The following FOXN3 variants were observed in gnomAD, a reference collection of about 807,000 sequenced individuals.
FOXN3 encodes the protein forkhead box protein N3.
Under a neutral mutation model 38.4 loss-of-function variants are expected in FOXN3, and 7 were observed. The ratio of observed to expected loss-of-function variants is 0.18; its 90% confidence interval spans 0.10 to 0.34. The LOEUF (loss-of-function observed/expected upper bound fraction) is 0.34, where lower values mean the gene tolerates loss of function less well. FOXN3 is among the 10% of genes least tolerant of loss of function. FOXN3 has a pLI of 1.00. For missense variants in FOXN3, 456 were observed against 613.4 expected (o/e 0.74, Z 2.71); for synonymous variants, 230 against 242.2 (o/e 0.95, Z 0.47).
At position 89,157,728 on chromosome 14, in the gene FOXN3, G is replaced by C. The variant is rs1373319104; in HGVS notation, c.*4686C>G. ...TAGGTTATATAGCAAAAGTGTTGAT[G>C]TATATTATATATAGTAGTATAAATA... On this transcript the variant is annotated 3_prime_UTR_variant, in exon 6 of 6. Coordinates refer to ENST00000557258, the MANE Select transcript of FOXN3 (RefSeq NM_005197.4). The C allele has an allele frequency of 6.6e-6, 1 of 152,600 alleles. No homozygotes were observed. Among genetic ancestry groups the C allele is most frequent in the African/African-American group, 2.4e-5 (1 of 41,438 alleles). The allele number at this position is 152,600 out of a possible 1,614,324, so 9.5% of individuals were successfully genotyped here. A position where few individuals can be genotyped will look rare whatever the true frequency, so the allele number is the denominator to read the frequency against.
intron 1 of FOXN3, among the ~76,000 whole-genome samples, chr14:89,464,601 T>G (rs918677325): frequency 6.6e-6 from 1 of 152,192 alleles, no homozygotes; most frequent in African/African-American, 2.4e-5. Flanking sequence ...CATCTTGAAT[T>G]GCAGTTCTCA....
At chr14:89,308,189 T>C (rs1887432512) in intron 3 of FOXN3, among the ~76,000 whole-genome samples, 1 of 152,154 alleles carries the variant, frequency 6.6e-6, no homozygotes, top group Non-Finnish European at 1.5e-5. Flanking sequence ...CATTTGAACC[T>C]GGGAGGTGAG....
chr14:89,354,995 T>G (rs1268489358), intron 2 of FOXN3: 3 of 151,838 alleles, frequency 2.0e-5, no homozygotes, highest in Non-Finnish European at 2.9e-5. Flanking sequence ...TGTGTGTATA[T>G]ATACACTAAC....
At chr14:89,407,102 A>G (rs1235721499) in intron 2 of FOXN3, among the ~76,000 whole-genome samples, 1 of 152,184 alleles carries the variant, frequency 6.6e-6, no homozygotes, top group Non-Finnish European at 1.5e-5. Flanking sequence ...GGGGATGACC[A>G]GGCTTCTGGA....
At chr14:89,191,863 A>G (rs1462825994) in intron 4 of FOXN3, among the ~76,000 whole-genome samples, 1 of 150,404 alleles carries the variant, frequency 6.6e-6, no homozygotes, top group Non-Finnish European at 1.5e-5. Context: ...TAATAAGTAC[A>G]TTATATGAGA....
At chr14:89,590,213 G>T (rs967966904) in intron 1 of FOXN3, among the ~76,000 whole-genome samples, 7 of 152,132 alleles carry the variant, frequency 4.6e-5, no homozygotes, top group African/African-American at 1.7e-4. Context: ...ACCAATCAAT[G>T]AATGATTCTT....
intron 4 of FOXN3, among the ~76,000 whole-genome samples, chr14:89,261,748 T>C (rs1364762207): frequency 6.6e-6 from 1 of 151,938 alleles, no homozygotes; most frequent in Non-Finnish European, 1.5e-5. Context: ...GCTAACACGA[T>C]GAAACCCCGT....
chr14:89,348,058 C>T (rs1888820580), intron 3 of FOXN3, among the ~76,000 whole-genome samples: 1 of 152,120 alleles, frequency 6.6e-6, no homozygotes, highest in Non-Finnish European at 1.5e-5. Context: ...AAATGTCTCG[C>T]TTTTCCCGCA....
At chr14:89,410,355 TC>T (rs1452092907) in intron 2 of FOXN3, among the ~76,000 whole-genome samples, 9 of 151,802 alleles carry the variant, frequency 5.9e-5, no homozygotes, top group African/African-American at 2.2e-4. Context: ...AACCTGAACT[TC>T]AAAAAGAGGG....
chr14:89,563,038 T>C (rs1233454447), intron 1 of FOXN3, among the ~76,000 whole-genome samples: 3 of 152,120 alleles, frequency 2.0e-5, no homozygotes, highest in Admixed American at 2.0e-4. Flanking sequence ...ACCCAGCAAA[T>C]AGACCAAGCA....
intron 1 of FOXN3, among the ~76,000 whole-genome samples, chr14:89,472,506 G>C (rs1893120117): frequency 6.6e-6 from 1 of 152,056 alleles, no homozygotes; most frequent in Admixed American, 6.5e-5. Context: ...AGATCACGAG[G>C]TCAGGAGATC....
intron 1 of FOXN3, among the ~76,000 whole-genome samples, chr14:89,580,462 A>G (rs766378343): frequency 3.3e-5 from 5 of 152,228 alleles, no homozygotes; most frequent in Non-Finnish European, 5.9e-5. Context: ...ACCACATAAC[A>G]GTGCCATATA....
chr14:89,250,687 T>C (rs965845418), intron 4 of FOXN3, among the ~76,000 whole-genome samples: 7 of 152,166 alleles, frequency 4.6e-5, no homozygotes, highest in Middle Eastern at 6.3e-3. Flanking sequence ...CCGATATGGG[T>C]TGGCTGTGTC....
chr14:89,431,777 C>A (rs1319659326), intron 1 of FOXN3, among the ~76,000 whole-genome samples: 2 of 152,132 alleles, frequency 1.3e-5, no homozygotes, highest in Admixed American at 6.5e-5. Context: ...TGCAATGGCA[C>A]AATCTTGGCT....
intron 3 of FOXN3, among the ~76,000 whole-genome samples, chr14:89,343,636 T>TC (rs1888680706): frequency 6.7e-6 from 1 of 149,788 alleles, no homozygotes. Flanking sequence ...GGTTTTTTTT[T>TC]TTTTTCTTTT....
intron 1 of FOXN3, among the ~76,000 whole-genome samples, chr14:89,606,798 A>C (rs982806371): frequency 4.6e-5 from 7 of 152,256 alleles, no homozygotes; most frequent in African/African-American, 1.7e-4. Flanking sequence ...CAGTGAGCGG[A>C]GATTGCACCA....
chr14:89,547,156 G>C (rs1894904166), intron 1 of FOXN3, among the ~76,000 whole-genome samples: 1 of 152,176 alleles, frequency 6.6e-6, no homozygotes, highest in Admixed American at 6.5e-5. Context: ...TTGCTGATGG[G>C]AATGTGAAAT....
At chr14:89,444,819 G>GA (rs1355533413) in intron 1 of FOXN3, among the ~76,000 whole-genome samples, 1 of 152,084 alleles carries the variant, frequency 6.6e-6, no homozygotes, top group Non-Finnish European at 1.5e-5. Flanking sequence ...TCAGAGCAGA[G>GA]ATTTAAAATG....
At chr14:89,180,355 G>A (rs1304679208) in intron 5 of FOXN3, among the ~76,000 whole-genome samples, 1 of 152,200 alleles carries the variant, frequency 6.6e-6, no homozygotes, top group Admixed American at 6.5e-5. Flanking sequence ...GGGAGGGACA[G>A]GACTGGGTCT....
Sources: allele counts gnomAD v4.1 joint callset (sites outside exome capture counted in the v4.1 genomes callset), GRCh38; gene constraint gnomAD v4.1.1; transcripts MANE v1.5; gene names NCBI Gene and HGNC (gene_info 2026-07-23, HGNC 2026-07-21).